PHF24: variants seen among roughly 807,000 people sequenced by gnomAD.
PHF24 encodes Galpha inhibitory interacting protein.
A neutral mutation model predicts 42.6 loss-of-function variants in PHF24; 25 were observed. The observed-to-expected ratio is 0.59, with a 90% CI of 0.43 to 0.82. The LOEUF (loss-of-function observed/expected upper bound fraction) is 0.82, where lower values mean the gene tolerates loss of function less well. Ranked by LOEUF, PHF24 falls within the 40% of genes least tolerant of loss-of-function variation. The probability of loss-of-function intolerance (pLI) is 0.00; values close to 1 mark genes in which losing one functional copy is unlikely to be tolerated. For missense variants in PHF24, 470 were observed against 538.1 expected (o/e 0.87, Z 1.25); for synonymous variants, 185 against 204.8 (o/e 0.90, Z 0.83).
intron 1 of PHF24, among the ~76,000 whole-genome samples, chr9:34,967,169 C>T (rs1337290627): frequency 1.3e-5 from 2 of 152,174 alleles, no homozygotes; most frequent in Non-Finnish European, 2.9e-5. Context: ...CACACAGACT[C>T]CTAAGAGAAG....
At chr9:34,977,698 C>T (rs1827251072) in intron 7 of PHF24, 57 bp downstream of exon 7, 6 of 1,408,554 alleles carry the variant, frequency 4.3e-6, no homozygotes, top group South Asian at 1.2e-5. Context: ...ACAAAACACA[C>T]AAGTAAGAGA....
chr9:34,862,544 C>T, the PHF24 span, among the ~76,000 whole-genome samples: 1 of 152,018 alleles, frequency 6.6e-6, no homozygotes, highest in Non-Finnish European at 1.5e-5. Flanking sequence ...ACAGCCTGGC[C>T]CAGAAAGGAA....
At chr9:34,910,637 G>A in the PHF24 span, among the ~76,000 whole-genome samples, 1 of 152,044 alleles carries the variant, frequency 6.6e-6, no homozygotes, top group African/African-American at 2.4e-5. Context: ...AACTGTTAGG[G>A]TTTCTTTTTG....
At chr9:34,762,298 T>G in the PHF24 span, among the ~76,000 whole-genome samples, 3 of 145,708 alleles carry the variant, frequency 2.1e-5, no homozygotes, top group African/African-American at 7.5e-5. Context: ...ATTGAACTAG[T>G]TTACAGTCCC....
the PHF24 span, among the ~76,000 whole-genome samples, chr9:34,755,342 T>C: frequency 1.3e-5 from 2 of 152,148 alleles, no homozygotes; most frequent in African/African-American, 4.8e-5. Flanking sequence ...ACTTACAATG[T>C]ACCCACAAAA....
At chr9:34,748,004 C>T in the PHF24 span, among the ~76,000 whole-genome samples, 1 of 152,062 alleles carries the variant, frequency 6.6e-6, no homozygotes, top group African/African-American at 2.4e-5. Flanking sequence ...TACGTAACTG[C>T]ACAAACATAA....
At chr9:34,706,847 C>T in the PHF24 span, among the ~76,000 whole-genome samples, 10 of 151,990 alleles carry the variant, frequency 6.6e-5, no homozygotes, top group Non-Finnish European at 8.8e-5. Flanking sequence ...GGGAAAATGC[C>T]GGGCATAGAG....
the PHF24 span, among the ~76,000 whole-genome samples, chr9:34,754,534 T>G: frequency 3.3e-5 from 5 of 152,138 alleles, no homozygotes; most frequent in Non-Finnish European, 2.9e-5. Context: ...AAAATAGTTT[T>G]TATCCAAAAG....
chr9:34,723,553 T>G, the PHF24 span: 1 of 1,551,828 alleles, frequency 6.4e-7, no homozygotes, highest in Non-Finnish European at 8.7e-7. Context: ...CCTCATGCCC[T>G]TTGCCTTTTG....
At chr9:34,803,086 T>C in the PHF24 span, among the ~76,000 whole-genome samples, 2 of 152,170 alleles carry the variant, frequency 1.3e-5, no homozygotes, top group Non-Finnish European at 2.9e-5. Flanking sequence ...ACATTTTCTA[T>C]TATTCAAGCA....
the PHF24 span, among the ~76,000 whole-genome samples, chr9:34,950,352 A>C: frequency 3.1e-5 from 3 of 96,030 alleles, no homozygotes; most frequent in East Asian, 2.1e-4. Flanking sequence ...ACTCTGTCTC[A>C]AAAAAAAAAA....
At chr9:34,883,722 C>T in the PHF24 span, among the ~76,000 whole-genome samples, 6 of 152,196 alleles carry the variant, frequency 3.9e-5, no homozygotes, top group Non-Finnish European at 8.8e-5. Flanking sequence ...ACAACAGGTG[C>T]TGGAGAGGAT....
chr9:34,686,987 T>C, the PHF24 span, among the ~76,000 whole-genome samples: 1 of 151,712 alleles, frequency 6.6e-6, no homozygotes, highest in East Asian at 1.9e-4. Context: ...ATTGCTCAGA[T>C]TGCTGGGCAA....
chr9:34,691,374 C>A, the PHF24 span: 98 of 502,912 alleles, frequency 1.9e-4, no homozygotes, highest in East Asian at 2.5e-3. Flanking sequence ...CTGTTGCCCC[C>A]CTCTTTCTGG....
the PHF24 span, chr9:34,833,503 T>G: frequency 6.4e-7 from 1 of 1,551,366 alleles, no homozygotes; most frequent in Non-Finnish European, 8.7e-7. Flanking sequence ...CTTGGTGGTT[T>G]AGACTTTCAA....
chr9:34,706,018 G>C, the PHF24 span, among the ~76,000 whole-genome samples: 3 of 152,128 alleles, frequency 2.0e-5, no homozygotes, highest in African/African-American at 7.2e-5. Flanking sequence ...TGAAGAATTT[G>C]AAAGGCAATG....
At chr9:34,910,561 T>G in the PHF24 span, among the ~76,000 whole-genome samples, 1 of 152,194 alleles carries the variant, frequency 6.6e-6, no homozygotes, top group Non-Finnish European at 1.5e-5. Context: ...ATGATAAACA[T>G]ATATAATTTG....
At chr9:34,853,603 C>T in the PHF24 span, among the ~76,000 whole-genome samples, 12 of 151,226 alleles carry the variant, frequency 7.9e-5, no homozygotes, top group African/African-American at 9.7e-5. Context: ...CCGAGGTGGG[C>T]GGATCACGAG....
the PHF24 span, chr9:34,837,490 A>T: frequency 1.7e-6 from 1 of 585,580 alleles, no homozygotes; most frequent in African/African-American, 1.9e-5. Flanking sequence ...AGAATTTTGG[A>T]ACGTTTCCAA....
Sources: allele counts gnomAD v4.1 joint callset (sites outside exome capture counted in the v4.1 genomes callset), GRCh38; gene constraint gnomAD v4.1.1; transcripts MANE v1.5; gene names NCBI Gene and HGNC (gene_info 2026-07-23, HGNC 2026-07-21).